The following KAZN variants were observed in gnomAD, a reference collection of about 807,000 sequenced individuals.
KAZN encodes kazrin, periplakin interacting protein.
In KAZN, 40 loss-of-function variants were observed where a neutral mutation model predicts 87.4. The observed-to-expected ratio is 0.46, with a 90% CI of 0.36 to 0.60. The LOEUF (loss-of-function observed/expected upper bound fraction) is 0.60. Among genes scored for constraint, KAZN ranks in the 20% least tolerant of loss-of-function variants. KAZN has a pLI of 0.00. For missense variants in KAZN, 898 were observed against 1,073.9 expected (o/e 0.84, Z 2.29); for synonymous variants, 466 against 458.3 (o/e 1.02, Z -0.22).
At chr1:14,231,765 A>G (rs1345735222) in intron 2 of KAZN, among the ~76,000 whole-genome samples, 1 of 152,230 alleles carries the variant, frequency 6.6e-6, no homozygotes, top group Admixed American at 6.5e-5. Context: ...GCTAGCTACT[A>G]TAATAGATAA....
In KAZN at chr1:14,342,319, T is replaced by C. The variant is rs144698768; in HGVS notation, c.249+161727T>C. ...CATACATGTACATGTGCCTTTATTA[T>C]AGAACAATTTCTGTTCCTTTGGGTA... On this transcript the variant is annotated intron_variant, in intron 2 of 16. Transcript: ENST00000636203. 3.7e-3 allele frequency among the ~76,000 whole-genome samples: 570 copies of C among 152,350 alleles called. 5 individuals are homozygous for C. The highest frequency in any genetic ancestry group is 0.013 in the African/African-American group (542 of 41,574).
chr1:14,370,453 A>G (rs1406734928), intron 2 of KAZN, among the ~76,000 whole-genome samples: 1 of 152,186 alleles, frequency 6.6e-6, no homozygotes. Context: ...CCTTCCCCCA[A>G]GGAACCTCTG....
chr1:13,948,500 A>C (rs1006096433), intron 1 of KAZN, among the ~76,000 whole-genome samples: 2 of 152,144 alleles, frequency 1.3e-5, no homozygotes, highest in Admixed American at 1.3e-4. Context: ...GTGTCAATTA[A>C]ACCTCTTTTC....
chr1:13,982,937 T>A (rs573878641), intron 1 of KAZN, among the ~76,000 whole-genome samples: 1 of 151,714 alleles, frequency 6.6e-6, no homozygotes, highest in East Asian at 2.0e-4. Flanking sequence ...AGATACAGTC[T>A]CCATTGGTGT....
chr1:14,578,361 C>T (rs934705545), intron 2 of KAZN, among the ~76,000 whole-genome samples: 5 of 152,082 alleles, frequency 3.3e-5, no homozygotes, highest in African/African-American at 1.2e-4. Flanking sequence ...ATATTTCAGT[C>T]CCTTTCAGCT....
chr1:14,478,911 G>A (rs1668921829), intron 2 of KAZN, among the ~76,000 whole-genome samples: 1 of 152,188 alleles, frequency 6.6e-6, no homozygotes, highest in Non-Finnish European at 1.5e-5. Context: ...CAAGAGTAGA[G>A]AAGCAGGAAA....
At chr1:14,337,275 G>A (rs1383280246) in intron 2 of KAZN, among the ~76,000 whole-genome samples, 1 of 152,134 alleles carries the variant, frequency 6.6e-6, no homozygotes, top group Non-Finnish European at 1.5e-5. Flanking sequence ...TCTGTCAAGA[G>A]TAACCCTAGA....
chr1:14,414,313 A>G (rs1301506082), intron 2 of KAZN, among the ~76,000 whole-genome samples: 1 of 151,772 alleles, frequency 6.6e-6, no homozygotes, highest in African/African-American at 2.4e-5. Flanking sequence ...GTAAAGCCAA[A>G]GAGTATTTAC....
Position 15,056,067 on chromosome 1 carries a change from T to C in KAZN, c.727-24T>C, listed in dbSNP as rs1209633916. The C allele has an allele frequency of 1.3e-6, 2 of 1,583,408 alleles. No individual in the cohort carries two copies. Among genetic ancestry groups the C allele is most frequent in the Non-Finnish European group, 1.7e-6 (2 of 1,157,120 alleles). ...AGTTCCCCTTGATCATGACTTCTTC[T>C]TCCTGTCTTCTTGCTCTCTCCAGGC... On this transcript the variant is annotated intron_variant, in intron 4 of 14. Transcript: ENST00000376030. The surrounding 1 kb of genome is among the most constrained non-coding windows in gnomAD (Gnocchi z 5.4).
chr1:14,141,235 T>TA lies in KAZN; in HGVS notation c.92-39200_92-39199insA, dbSNP rs1557509230. On this transcript the variant is annotated intron_variant, in intron 1 of 16. Transcript: ENST00000636203. ...ATGACACTGTTGAAGTGATTACCATTTAAAAAAAAAAAAAAAAACAAAACT... is the reference window on the plus strand; with the variant it reads ...ATGACACTGTTGAAGTGATTACCATTATAAAAAAAAAAAAAAAAACAAAACT... Among the ~76,000 whole-genome samples, 22 of 33,128 alleles carry TA rather than the reference T, an allele frequency of 6.6e-4. 3 individuals are homozygous for TA. The highest frequency in any genetic ancestry group is 2.3e-3 in the East Asian group (1 of 428). The allele number at this position is 33,128 out of a possible 152,430, so 21.7% of individuals were successfully genotyped here.
chr1:15,041,331 C>CTTTTTTGT (rs1553178771), intron 3 of KAZN, among the ~76,000 whole-genome samples: 7 of 114,136 alleles, frequency 6.1e-5, no homozygotes, highest in Admixed American at 2.0e-4. Context: ...CATTTTTTTT[C>CTTTTTTGT]TTTTTTTTTT....
chr1:14,282,077 G>GA (rs1012155561), intron 2 of KAZN, among the ~76,000 whole-genome samples: 88 of 151,910 alleles, frequency 5.8e-4, no homozygotes, highest in African/African-American at 2.0e-3. Context: ...ATTTTGTCTG[G>GA]AAAAAAAATA....
At chr1:13,934,202 G>T in intron 1 of KAZN, among the ~76,000 whole-genome samples, 1 of 152,202 alleles carries the variant, frequency 6.6e-6, no homozygotes, top group East Asian at 1.9e-4. Context: ...GCCTCTCTCT[G>T]CCAGATAAGT....
At chr1:14,596,706 G>T (rs549397835), upstream of KAZN, among the ~76,000 whole-genome samples, 2 of 152,158 alleles carry the variant, frequency 1.3e-5, no homozygotes, top group Non-Finnish European at 2.9e-5. Flanking sequence ...TATAATATGT[G>T]ACCTTCTATG....
chr1:14,471,236 G>A (rs1196211702), intron 2 of KAZN, among the ~76,000 whole-genome samples: 3 of 152,022 alleles, frequency 2.0e-5, no homozygotes, highest in Non-Finnish European at 4.4e-5. Flanking sequence ...TAATGAATAC[G>A]GCTGGCTATC....
intron 1 of KAZN, among the ~76,000 whole-genome samples, chr1:14,003,221 G>T (rs1421949497): frequency 6.6e-6 from 1 of 151,692 alleles, no homozygotes; most frequent in African/African-American, 2.4e-5. Flanking sequence ...GGGGCAAGAG[G>T]AGGGAACTTA....
intron 2 of KAZN, among the ~76,000 whole-genome samples, chr1:14,514,407 A>ATTT (rs1476552166): frequency 1.9e-4 from 2 of 10,362 alleles, no homozygotes; most frequent in Admixed American, 1.1e-3. Flanking sequence ...TTATATATAT[A>ATTT]ATATATAAAT....
rs1224754410 is a variant in KAZN, at chr1:15,044,126, C to T, written c.693C>T (p.Asn231=). The part of the protein sequence containing the change: ...ALRSQLDLKD[N]RMKELEAELA... Reference sequence around the variant, plus strand: ...GCTCCCAGCTGGACCTCAAGGACAACCGGATGAAGGAGCTGGAGGCCGAGC... The same window carrying T: ...GCTCCCAGCTGGACCTCAAGGACAATCGGATGAAGGAGCTGGAGGCCGAGC... The change falls in exon 4 of 15, where the codon AAC becomes AAT. Residue 231 remains asparagine (N), a synonymous_variant. Coordinates refer to ENST00000376030, the MANE Select transcript of KAZN (RefSeq NM_201628.3). 2 of 1,610,556 alleles carry T rather than the reference C, an allele frequency of 1.2e-6. No homozygotes were observed. The highest frequency in any genetic ancestry group is 1.7e-5 in the Admixed American group (1 of 59,830).
intron 2 of KAZN, among the ~76,000 whole-genome samples, chr1:14,196,200 G>C (rs963989454): frequency 1.3e-5 from 2 of 152,178 alleles, no homozygotes; most frequent in Admixed American, 6.5e-5. Flanking sequence ...AATCAGAGTA[G>C]AAGACAGGGC....
Sources: allele counts gnomAD v4.1 joint callset (sites outside exome capture counted in the v4.1 genomes callset), GRCh38; gene constraint gnomAD v4.1.1; non-coding constraint Gnocchi (gnomAD v3.1); transcripts MANE v1.5; gene names NCBI Gene and HGNC (gene_info 2026-07-23, HGNC 2026-07-21).